ST7L: variants seen among roughly 807,000 people sequenced by gnomAD.
The protein encoded by ST7L is suppression of tumorigenicity 7 like.
In ST7L, 57 loss-of-function variants were observed where a neutral mutation model predicts 72.5. The ratio of observed to expected loss-of-function variants is 0.79; its 90% confidence interval spans 0.64 to 0.98. The LOEUF (loss-of-function observed/expected upper bound fraction) is 0.98, where lower values mean the gene tolerates loss of function less well. ST7L is among the 50% of genes least tolerant of loss of function. ST7L has a pLI of 0.00. For synonymous variants in ST7L, 221 were observed against 240.9 expected, an observed-to-expected ratio of 0.92 and a Z score of 0.77; for missense variants, 576 against 672.2, an observed-to-expected ratio of 0.86 and a Z score of 1.58.
At chr1:112,584,360 A>G (rs1368884528) in intron 6 of ST7L, among the ~76,000 whole-genome samples, 1 of 151,942 alleles carries the variant, frequency 6.6e-6, no homozygotes, top group African/African-American at 2.4e-5. Flanking sequence ...TTTTTTAAAA[A>G]AAAAAAACAA....
intron 5 of ST7L, among the ~76,000 whole-genome samples, chr1:112,596,600 T>C (rs1666515215): frequency 6.6e-6 from 1 of 152,176 alleles, no homozygotes; most frequent in Admixed American, 6.6e-5. Context: ...ATTAGTGAAA[T>C]TGCTTAGACA....
At chr1:112,561,386 A>G (rs1226414849) in intron 11 of ST7L, among the ~76,000 whole-genome samples, 2 of 151,440 alleles carry the variant, frequency 1.3e-5, no homozygotes, top group Non-Finnish European at 2.9e-5. Flanking sequence ...CTCAAAAAAA[A>G]AAAAAAAAAA....
At chr1:112,585,719 T>G (rs559320483) in intron 6 of ST7L, among the ~76,000 whole-genome samples, 291 of 146,988 alleles carry the variant, frequency 2.0e-3, no homozygotes, top group South Asian at 0.012. Flanking sequence ...GGTGACAGAG[T>G]GAGACTCCGT....
chr1:112,562,589 C>T (rs1660352932), intron 11 of ST7L, among the ~76,000 whole-genome samples: 1 of 152,030 alleles, frequency 6.6e-6, no homozygotes, highest in Admixed American at 6.6e-5. Context: ...TAGAAATTTG[C>T]CAGGTAGAGA....
chr1:112,536,137 G>A (rs1655170538), intron 14 of ST7L, among the ~76,000 whole-genome samples: 1 of 152,182 alleles, frequency 6.6e-6, no homozygotes, highest in Admixed American at 6.5e-5. Context: ...TTACAGAAAT[G>A]TAAGTTTAGT....
At chr1:112,547,074 T>C (rs7516421) in intron 13 of ST7L, among the ~76,000 whole-genome samples, 45,693 of 151,852 alleles carry the variant, frequency 0.3, 7,646 homozygotes, top group African/African-American at 0.44. Flanking sequence ...TATTCCCAAA[T>C]TGGCTCCTCC....
chr1:112,553,579 T>C (rs992543874), intron 12 of ST7L, among the ~76,000 whole-genome samples: 2 of 152,214 alleles, frequency 1.3e-5, no homozygotes, highest in Non-Finnish European at 2.9e-5. Context: ...AATAAATCAA[T>C]TTTCTTATTT....
chr1:112,532,945 GT>G (rs1654609012), intron 14 of ST7L, among the ~76,000 whole-genome samples: 1 of 152,114 alleles, frequency 6.6e-6, no homozygotes, highest in Non-Finnish European at 1.5e-5. Flanking sequence ...AGGGAAAAAA[GT>G]TATAGGTTAT....
intron 2 of ST7L, among the ~76,000 whole-genome samples, chr1:112,612,013 C>G (rs1056119142): frequency 4.7e-5 from 7 of 147,712 alleles, no homozygotes; most frequent in Non-Finnish European, 1.0e-4. Flanking sequence ...ACAGACTAGT[C>G]TTCTGCCAAA....
Position 112,591,132 on chromosome 1 carries a change from C to T in ST7L, c.701+393G>A, listed in dbSNP as rs897963475. ...TTGTTTAGTAGAGACGGGGTTTCACCGTGTTAGCCAGGGTGGTCTCGATCT... is the reference window on the plus strand; with the variant it reads ...TTGTTTAGTAGAGACGGGGTTTCACTGTGTTAGCCAGGGTGGTCTCGATCT... On this transcript the variant is annotated intron_variant, in intron 6 of 14. Transcript: ENST00000358039. 4.6e-5 allele frequency among the ~76,000 whole-genome samples: 7 copies of T among 151,874 alleles called. No individual in the cohort carries two copies. The East Asian group carries it at 1.2e-3, about 25-fold the overall frequency.
intron 11 of ST7L, among the ~76,000 whole-genome samples, chr1:112,557,926 C>T (rs3762335): frequency 0.22 from 32,784 of 152,088 alleles, 3,741 homozygotes; most frequent in Middle Eastern, 0.26. Context: ...AATACTTGTA[C>T]TAATATTATC....
intron 1 of ST7L, among the ~76,000 whole-genome samples, chr1:112,617,439 G>C (rs1001622135): frequency 6.6e-6 from 1 of 152,146 alleles, no homozygotes; most frequent in Non-Finnish European, 1.5e-5. Context: ...TGGCCAGGTA[G>C]GATGGCTCAC....
chr1:112,566,646 G>A (rs1000525171), intron 11 of ST7L, among the ~76,000 whole-genome samples: 2 of 152,044 alleles, frequency 1.3e-5, no homozygotes, highest in African/African-American at 4.8e-5. Flanking sequence ...TCTAGTTAAT[G>A]AATGTTTCAC....
chr1:112,576,907 A>G lies in ST7L; in HGVS notation c.1245+79T>C, dbSNP rs1011823198. 5.6e-5 allele frequency: 59 copies of G among 1,047,934 alleles called. 1 individual carries two copies. In the Admixed American group the frequency reaches 1.2e-3, roughly 21 times the overall value. The allele number at this position is 1,047,934 out of a possible 1,614,324, so 64.9% of individuals were successfully genotyped here. ...AACAATTCTGCACCAAATTATGGTG[A>G]CCCAGACTCTGGTCTACGAACTGTC... On this transcript the variant is annotated intron_variant, in intron 11 of 14. Coordinates refer to ENST00000358039, the MANE Select transcript of ST7L (RefSeq NM_017744.5).
At position 112,600,857 on chromosome 1, in the gene ST7L, C is replaced by G; in HGVS notation, c.452-9G>C. ...TCTCCATACCTTACATTCTGAAAAA[C>G]AAGGGAGAAAAAGGGGGAAAAAGAG... On this transcript the variant is annotated splice_polypyrimidine_tract_variant and intron_variant, in intron 3 of 14. Transcript: ENST00000358039. 1 of 1,604,744 alleles carries G rather than the reference C, an allele frequency of 6.2e-7. No individual in the cohort carries two copies.
chr1:112,539,909 A>T (rs1299053695), intron 14 of ST7L: 4 of 985,244 alleles, frequency 4.1e-6, no homozygotes, highest in Non-Finnish European at 4.8e-6. Flanking sequence ...TCACCTATAC[A>T]GATACCAAAA....
At chr1:112,608,015 TA>T (rs200229698) in intron 3 of ST7L, among the ~76,000 whole-genome samples, 61 of 152,284 alleles carry the variant, frequency 4.0e-4, no homozygotes, top group African/African-American at 1.4e-3. Context: ...TTAATTCACT[TA>T]AAAAATTTTT....
intron 12 of ST7L, among the ~76,000 whole-genome samples, chr1:112,555,664 A>C (rs1234750701): frequency 2.6e-5 from 4 of 152,236 alleles, no homozygotes; most frequent in South Asian, 2.1e-4. Context: ...ATACCATAAC[A>C]ATTTCTCATT....
intron 1 of ST7L, among the ~76,000 whole-genome samples, chr1:112,617,717 TCA>T (rs56216561): frequency 0.25 from 32,112 of 126,358 alleles, 4,035 homozygotes; most frequent in East Asian, 0.41. Context: ...TTTCTCTCTC[TCA>T]CACACACACA....
Sources: allele counts gnomAD v4.1 joint callset (sites outside exome capture counted in the v4.1 genomes callset), GRCh38; gene constraint gnomAD v4.1.1; transcripts MANE v1.5; gene names NCBI Gene and HGNC (gene_info 2026-07-23, HGNC 2026-07-21).